Variants in SARNP observed in about 807,000 individuals in gnomAD.
SARNP encodes SAP domain containing ribonucleoprotein.
SARNP carries 5 observed loss-of-function variants against 38.1 expected under a neutral mutation model. The observed-to-expected ratio is 0.13, with a 90% confidence interval of 0.07 to 0.28. The LOEUF (loss-of-function observed/expected upper bound fraction) is 0.28, where lower values mean the gene tolerates loss of function less well. SARNP is among the 10% of genes least tolerant of loss of function. The pLI is 1.00. For missense variants in SARNP, 180 were observed against 243.9 expected (o/e 0.74, Z 1.75); for synonymous variants, 84 against 80.6 (o/e 1.04, Z -0.23).
intron 4 of SARNP, among the ~76,000 whole-genome samples, chr12:55,798,474 G>C (rs1592576465): frequency 6.6e-6 from 1 of 152,196 alleles, no homozygotes; most frequent in Non-Finnish European, 1.5e-5. Flanking sequence ...CTCCAGCCTG[G>C]ACAACGGAGT....
intron 9 of SARNP, among the ~76,000 whole-genome samples, chr12:55,777,748 C>T (rs563925452): frequency 1.3e-5 from 2 of 152,122 alleles, no homozygotes; most frequent in African/African-American, 4.8e-5. Flanking sequence ...ACACTGGCTA[C>T]GTAAAAAGTA....
chr12:55,794,518 C>T (rs1216329479), intron 6 of SARNP, 131 bp from the exon 7 acceptor site: 1 of 832,682 alleles, frequency 1.2e-6, no homozygotes, highest in Non-Finnish European at 2.0e-6. Context: ...CTAATTCTAA[C>T]AACCCCATGA....
chr12:55,796,225 G>T, intron 4 of SARNP, 149 bp from the exon 5 acceptor site: 1 of 596,764 alleles, frequency 1.7e-6, no homozygotes. Flanking sequence ...GTCCACTAGA[G>T]CTTTGGTTCC....
At chr12:55,814,121 G>T (rs1469463771) in intron 1 of SARNP, among the ~76,000 whole-genome samples, 1 of 152,180 alleles carries the variant, frequency 6.6e-6, no homozygotes, top group Non-Finnish European at 1.5e-5. Flanking sequence ...CTATGCTGGA[G>T]AGACGGGCAG....
intron 9 of SARNP, among the ~76,000 whole-genome samples, chr12:55,774,864 T>C (rs912969895): frequency 7.3e-5 from 11 of 149,894 alleles, no homozygotes; most frequent in Non-Finnish European, 1.2e-4. Context: ...TACAACACCC[T>C]GAAAACACAT....
At position 55,794,752 on chromosome 12, in the gene SARNP, C is replaced by T. The variant is rs879019322; in HGVS notation, c.377+55G>A. ...ATTATACCTAAAAGCTAGGATCACA[C>T]ATCTTCATCTTTACAACACCCCTAT... On this transcript the variant is annotated intron_variant, in intron 6 of 10. Transcript: ENST00000336133. The T allele has an allele frequency of 8.9e-6, 9 of 1,011,298 alleles. No homozygotes were observed. The South Asian group carries it at 1.1e-4, about 12-fold the overall frequency. 62.6% of individuals were successfully genotyped at this position (1,011,298 alleles called of 1,614,324 possible). A position where few individuals can be genotyped will look rare whatever the true frequency, so the allele number is the denominator to read the frequency against.
rs962804517 is a variant in SARNP at position 55,778,513 on chromosome 12, AGTAG to A, written c.501+10558_501+10561del. ...TTGTTCCATTGGGAGGGTGGAGAAA[AGTAG>A]TGTCTTTTTTTTATCTTAAAGGGGA... On this transcript the variant is annotated intron_variant, in intron 9 of 10. Transcript: ENST00000336133. 3.8e-4 allele frequency among the ~76,000 whole-genome samples: 58 copies of A among 152,266 alleles called. 1 individual carries two copies. The highest frequency in any genetic ancestry group is 1.3e-3 in the African/African-American group (55 of 41,558).
At position 55,757,416 on chromosome 12, in the gene SARNP, C is replaced by A. The variant is rs113132083; in HGVS notation, c.*96G>T. The A allele has an allele frequency of 1.6e-5, 16 of 1,011,990 alleles. No homozygotes were observed. The highest frequency in any genetic ancestry group is 9.7e-5 in the African/African-American group (6 of 61,580). 62.7% of individuals were successfully genotyped at this position (1,011,990 alleles called of 1,614,324 possible). Reference sequence around the variant, plus strand: ...CATGCTCCCTCATTGCGAGGCAGGACGTAGGCACATGACTGTGCATTTAGG... The same window carrying A: ...CATGCTCCCTCATTGCGAGGCAGGAAGTAGGCACATGACTGTGCATTTAGG... On this transcript the variant is annotated 3_prime_UTR_variant, in exon 11 of 11. Coordinates refer to ENST00000336133, the MANE Select transcript of SARNP (RefSeq NM_033082.4).
intron 9 of SARNP, 133 bp from the exon 10 acceptor site, chr12:55,760,773 A>G (rs1412216044): frequency 4.7e-6 from 3 of 636,894 alleles, no homozygotes; most frequent in Non-Finnish European, 8.4e-6. Flanking sequence ...ACATAAAGAG[A>G]TAAGATACAT....
chr12:55,768,748 A>G (rs1405193582), intron 9 of SARNP, among the ~76,000 whole-genome samples: 1 of 146,502 alleles, frequency 6.8e-6, no homozygotes, highest in Non-Finnish European at 1.5e-5. Flanking sequence ...TTTTGAGACA[A>G]AGTCTCATTC....
chr12:55,778,712 C>A (rs899277264), intron 9 of SARNP, among the ~76,000 whole-genome samples: 4 of 152,142 alleles, frequency 2.6e-5, no homozygotes, highest in South Asian at 2.1e-4. Context: ...TAGCTCACGC[C>A]TGTAATCCCA....
chr12:55,768,094 C>A (rs1265377605), intron 9 of SARNP, among the ~76,000 whole-genome samples: 1 of 151,914 alleles, frequency 6.6e-6, no homozygotes, highest in Non-Finnish European at 1.5e-5. Context: ...TCCTATTAAC[C>A]ATCTCCCTCC....
At chr12:55,787,093 A>G (rs1409341757) in intron 9 of SARNP, among the ~76,000 whole-genome samples, 1 of 151,968 alleles carries the variant, frequency 6.6e-6, no homozygotes, top group Non-Finnish European at 1.5e-5. Flanking sequence ...CTGGCCAGGC[A>G]TGGTGGCACA....
intron 2 of SARNP, among the ~76,000 whole-genome samples, chr12:55,802,072 A>T (rs1879995572): frequency 1.3e-5 from 2 of 152,200 alleles, no homozygotes; most frequent in South Asian, 4.1e-4. Context: ...TTTTTCATGG[A>T]GAACATAAAA....
At chr12:55,816,155 T>C (rs1880476384) in intron 1 of SARNP, among the ~76,000 whole-genome samples, 2 of 152,210 alleles carry the variant, frequency 1.3e-5, no homozygotes, top group South Asian at 4.1e-4. Flanking sequence ...AATCTATAAA[T>C]GCAAGTAAGT....
At chr12:55,779,379 G>C (rs916011272) in intron 9 of SARNP, among the ~76,000 whole-genome samples, 1 of 152,200 alleles carries the variant, frequency 6.6e-6, no homozygotes, top group East Asian at 1.9e-4. Flanking sequence ...TCCCATGGCT[G>C]TATGAGAAAG....
chr12:55,777,387 T>A (rs1038103074), intron 9 of SARNP, among the ~76,000 whole-genome samples: 2 of 151,826 alleles, frequency 1.3e-5, no homozygotes, highest in South Asian at 2.1e-4. Flanking sequence ...TTTTATTTTT[T>A]TTTTTGAGAT....
intron 1 of SARNP, among the ~76,000 whole-genome samples, chr12:55,809,675 T>C (rs1880266508): frequency 6.6e-6 from 1 of 150,762 alleles, no homozygotes; most frequent in Non-Finnish European, 1.5e-5. Context: ...TCCAGGAGGT[T>C]GAGGCTGCAG....
chr12:55,791,494 A>C (rs916356891), intron 7 of SARNP, among the ~76,000 whole-genome samples: 1 of 152,186 alleles, frequency 6.6e-6, no homozygotes, highest in Admixed American at 6.5e-5. Context: ...CAGGACTTGT[A>C]GACCAGCCTG....
Sources: allele counts gnomAD v4.1 joint callset (sites outside exome capture counted in the v4.1 genomes callset), GRCh38; gene constraint gnomAD v4.1.1; transcripts MANE v1.5; gene names NCBI Gene and HGNC (gene_info 2026-07-23, HGNC 2026-07-21).